The following CCSER1 variants were observed in gnomAD, a reference collection of about 807,000 sequenced individuals.
CCSER1 encodes the protein serine-rich coiled-coil domain-containing protein 1.
CCSER1 carries 41 observed loss-of-function variants against 82.0 expected under a neutral mutation model. That is an observed-to-expected ratio of 0.50 (90% CI 0.39 to 0.65). CCSER1 has a LOEUF of 0.65. CCSER1 is among the 30% of genes least tolerant of loss of function. The pLI is 0.00. For synonymous variants in CCSER1, 414 were observed against 383.9 expected (o/e 1.08, Z -0.92); for missense variants, 1,119 against 1,064.2 (o/e 1.05, Z -0.72).
intron 1 of CCSER1, among the ~76,000 whole-genome samples, chr4:90,286,549 ATGACT>A (rs961829472): frequency 6.6e-6 from 1 of 152,162 alleles, no homozygotes; most frequent in East Asian, 1.9e-4. Flanking sequence ...AAATAAAAAA[ATGACT>A]TGACTCACAA....
At chr4:90,632,650 T>C (rs1371433189) in intron 6 of CCSER1, among the ~76,000 whole-genome samples, 1 of 152,092 alleles carries the variant, frequency 6.6e-6, no homozygotes, top group Non-Finnish European at 1.5e-5. Flanking sequence ...GGCCCAAGCA[T>C]GTGAATGGTG....
At chr4:90,942,550 T>C (rs1186910032) in intron 9 of CCSER1, among the ~76,000 whole-genome samples, 1 of 152,162 alleles carries the variant, frequency 6.6e-6, no homozygotes, top group East Asian at 1.9e-4. Flanking sequence ...GCTACTTTCT[T>C]ACTATCTGAA....
chr4:90,447,074 G>C (rs1468247496), intron 4 of CCSER1, among the ~76,000 whole-genome samples: 1 of 152,076 alleles, frequency 6.6e-6, no homozygotes, highest in Non-Finnish European at 1.5e-5. Context: ...ATTTTTGGCT[G>C]GTCAAAAGTT....
chr4:91,150,324 G>T (rs1730037289), intron 10 of CCSER1, among the ~76,000 whole-genome samples: 2 of 152,142 alleles, frequency 1.3e-5, no homozygotes, highest in Admixed American at 1.3e-4. Context: ...TTTGCACATT[G>T]ATTTTGTATC....
intron 6 of CCSER1, among the ~76,000 whole-genome samples, chr4:90,637,945 AT>A (rs1267812653): frequency 6.6e-6 from 1 of 152,166 alleles, no homozygotes; most frequent in Non-Finnish European, 1.5e-5. Context: ...TTCTGTGAAT[AT>A]AACTCTCTTA....
chr4:91,446,405 C>G (rs562221330), intron 10 of CCSER1, among the ~76,000 whole-genome samples: 13 of 151,964 alleles, frequency 8.6e-5, no homozygotes, highest in Non-Finnish European at 1.6e-4. Flanking sequence ...AGAAGATTTA[C>G]GTATTGGCAG....
chr4:91,127,385 A>G (rs997204299), intron 10 of CCSER1, among the ~76,000 whole-genome samples: 2 of 151,706 alleles, frequency 1.3e-5, no homozygotes, highest in African/African-American at 4.8e-5. Flanking sequence ...CCAAATAATC[A>G]CCTCCCCTCG....
At chr4:90,534,441 TTGTGTGTGTGTGTGTGTG>T (rs376987549) in intron 5 of CCSER1, among the ~76,000 whole-genome samples, 372 of 136,466 alleles carry the variant, frequency 2.7e-3, no homozygotes, top group Non-Finnish European at 4.4e-3. Flanking sequence ...TGCCAGCCTT[TTGTGTGTGTGTGTGTGTG>T]TGTGTGTGTG....
intron 4 of CCSER1, among the ~76,000 whole-genome samples, chr4:90,449,356 C>A (rs2153577358): frequency 6.6e-6 from 1 of 152,320 alleles, no homozygotes; most frequent in Admixed American, 6.5e-5. Flanking sequence ...GGAAAAAGCA[C>A]AGTAAATTTT....
chr4:91,244,073 G>A (rs576525636), intron 10 of CCSER1, among the ~76,000 whole-genome samples: 6 of 152,272 alleles, frequency 3.9e-5, no homozygotes, highest in Middle Eastern at 3.4e-3. Flanking sequence ...TGCATTCACC[G>A]CAAACTGATA....
chr4:90,796,435 AC>A (rs1397672475), intron 7 of CCSER1, among the ~76,000 whole-genome samples: 475 of 148,490 alleles, frequency 3.2e-3, no homozygotes, highest in African/African-American at 0.011. Flanking sequence ...AAAAAAAAAA[AC>A]AGCTCTTGGA....
intron 10 of CCSER1, among the ~76,000 whole-genome samples, chr4:91,267,095 A>G (rs576157345): frequency 1.4e-3 from 207 of 152,276 alleles, no homozygotes; most frequent in Non-Finnish European, 2.5e-3. Context: ...CTATTTAACA[A>G]CCAGTCTGAA....
chr4:90,957,098 C>CTTTTTTTTTTT (rs1215668480), intron 9 of CCSER1, among the ~76,000 whole-genome samples: 1 of 86,680 alleles, frequency 1.2e-5, no homozygotes, highest in Non-Finnish European at 2.3e-5. Context: ...TCTTTCTTTC[C>CTTTTTTTTTTT]TTTTTTTTTT....
chr4:91,083,955 A>G (rs1723090274), intron 9 of CCSER1, among the ~76,000 whole-genome samples: 1 of 152,142 alleles, frequency 6.6e-6, no homozygotes, highest in African/African-American at 2.4e-5. Flanking sequence ...TGTAAGGCCA[A>G]TGTTTTCCCC....
intron 10 of CCSER1, among the ~76,000 whole-genome samples, chr4:91,107,487 C>A (rs1224514449): frequency 6.6e-6 from 1 of 152,122 alleles, no homozygotes; most frequent in Non-Finnish European, 1.5e-5. Context: ...AATCTCCTGA[C>A]CTCGTGATCC....
chr4:90,739,108 C>T (rs1746121385), intron 7 of CCSER1, among the ~76,000 whole-genome samples: 1 of 152,228 alleles, frequency 6.6e-6, no homozygotes, highest in Non-Finnish European at 1.5e-5. Flanking sequence ...GAGTCTCACT[C>T]AAGGCAAGTG....
At chr4:90,479,785 A>C (rs1224021598) in intron 5 of CCSER1, among the ~76,000 whole-genome samples, 1 of 152,170 alleles carries the variant, frequency 6.6e-6, no homozygotes, top group African/African-American at 2.4e-5. Context: ...ATTGTTGGAC[A>C]TTTGGGTTGG....
intron 10 of CCSER1, among the ~76,000 whole-genome samples, chr4:91,460,948 A>T (rs563502935): frequency 6.6e-6 from 1 of 152,152 alleles, no homozygotes; most frequent in South Asian, 2.1e-4. Context: ...CTCAAAGGAT[A>T]AAAAAAATCC....
chr4:90,502,534 A>C (rs1578840121), intron 5 of CCSER1, among the ~76,000 whole-genome samples: 1 of 152,278 alleles, frequency 6.6e-6, no homozygotes, highest in South Asian at 2.1e-4. Context: ...AATTGTACAT[A>C]AGAGGATCTA....
Sources: gnomAD v4.1 joint callset for allele counts (sites outside exome capture counted in the v4.1 genomes callset) on GRCh38, gnomAD v4.1.1 for gene constraint, MANE v1.5 for transcripts, NCBI Gene and HGNC (gene_info 2026-07-23, HGNC 2026-07-21) for gene names.